The following PDE1C variants were observed in gnomAD, a reference collection of about 807,000 sequenced individuals.
PDE1C encodes dual specificity calcium/calmodulin-dependent 3',5'-cyclic nucleotide phosphodiesterase 1C.
In PDE1C, 62 loss-of-function variants were observed where a neutral mutation model predicts 93.1. The observed-to-expected ratio is 0.67, with a 90% CI of 0.54 to 0.82. The LOEUF is 0.82. Ranked by LOEUF, PDE1C falls within the 40% of genes least tolerant of loss-of-function variation. The pLI, the probability that PDE1C is intolerant of heterozygous loss-of-function variation, is 0.00. For synonymous variants in PDE1C, 325 were observed against 310.1 expected (o/e 1.05, Z -0.50); for missense variants, 742 against 884.6 (o/e 0.84, Z 2.04).
intron 6 of PDE1C, among the ~76,000 whole-genome samples, chr7:31,872,753 G>T (rs1796097953): frequency 1.3e-5 from 2 of 152,166 alleles, no homozygotes; most frequent in African/African-American, 4.8e-5. Context: ...AGGCTGTAGG[G>T]AGTTGAACAC....
Position 31,960,157 on chromosome 7 carries a change from G to A in PDE1C, c.129-79297C>T, listed in dbSNP as rs145811089. ...CCCAAAGTGCTGGGATGACAGGTGT[G>A]AGCCACCGCGCCCGGCCTCAACTTG... On this transcript the variant is annotated intron_variant, in intron 2 of 17. Transcript: ENST00000396191. 4.5e-3 allele frequency among the ~76,000 whole-genome samples: 682 copies of A among 152,202 alleles called. 3 individuals are homozygous for A. Among genetic ancestry groups the A allele is most frequent in the African/African-American group, 0.015 (641 of 41,514 alleles).
intron 5 of PDE1C, among the ~76,000 whole-genome samples, chr7:31,874,947 C>T (rs532956386): frequency 1.3e-5 from 2 of 152,270 alleles, no homozygotes; most frequent in East Asian, 3.9e-4. Flanking sequence ...CAGGTAATAA[C>T]CTCACCAATG....
At chr7:32,315,768 G>A (rs1462457368) in intron 1 of PDE1C, among the ~76,000 whole-genome samples, 2 of 152,178 alleles carry the variant, frequency 1.3e-5, no homozygotes, top group Non-Finnish European at 2.9e-5. Flanking sequence ...GGCCGAGGTG[G>A]GTGGATCACC....
intron 1 of PDE1C, among the ~76,000 whole-genome samples, chr7:32,270,464 A>G (rs1810886083): frequency 6.6e-6 from 1 of 152,208 alleles, no homozygotes; most frequent in Non-Finnish European, 1.5e-5. Flanking sequence ...CAGGAAGTCA[A>G]GCTAATTTCA....
At chr7:31,913,972 A>G (rs1042864910) in intron 2 of PDE1C, among the ~76,000 whole-genome samples, 2 of 152,188 alleles carry the variant, frequency 1.3e-5, no homozygotes, top group Non-Finnish European at 2.9e-5. Flanking sequence ...CAGCAGTTAT[A>G]TTTTTAAACC....
chr7:31,638,791 T>G, the PDE1C span, among the ~76,000 whole-genome samples: 727 of 152,310 alleles, frequency 4.8e-3, 6 homozygotes, highest in African/African-American at 0.017. Flanking sequence ...TTGTTTGTTT[T>G]TTTGAGATGG....
chr7:31,858,852 T>C (rs1794330269), intron 7 of PDE1C, among the ~76,000 whole-genome samples: 1 of 151,972 alleles, frequency 6.6e-6, no homozygotes, highest in African/African-American at 2.4e-5. Context: ...AATGGAGATG[T>C]TATAACCAAA....
chr7:31,803,284 T>G (rs1427607052), intron 16 of PDE1C, among the ~76,000 whole-genome samples: 1 of 151,854 alleles, frequency 6.6e-6, no homozygotes, highest in Non-Finnish European at 1.5e-5. Flanking sequence ...ATCTTCCATG[T>G]GTCTACTTCT....
At chr7:31,854,271 T>C (rs993699707) in intron 7 of PDE1C, among the ~76,000 whole-genome samples, 1 of 152,132 alleles carries the variant, frequency 6.6e-6, no homozygotes, top group African/African-American at 2.4e-5. Flanking sequence ...AGAAGCTATT[T>C]TGGAGGAAAT....
At chr7:31,946,886 C>T (rs951934910) in intron 2 of PDE1C, among the ~76,000 whole-genome samples, 3 of 152,166 alleles carry the variant, frequency 2.0e-5, no homozygotes, top group African/African-American at 7.2e-5. Flanking sequence ...CATGTCCTAT[C>T]ATTTTCTGTT....
intron 2 of PDE1C, among the ~76,000 whole-genome samples, chr7:31,927,110 A>T (rs2128971038): frequency 6.6e-6 from 1 of 152,230 alleles, no homozygotes; most frequent in South Asian, 2.1e-4. Flanking sequence ...ACCTGGGACG[A>T]TTGAGCTTGG....
the PDE1C span, among the ~76,000 whole-genome samples, chr7:31,665,591 G>A: frequency 6.6e-6 from 1 of 152,136 alleles, no homozygotes; most frequent in Non-Finnish European, 1.5e-5. Flanking sequence ...ATCCAACAAG[G>A]AATTTTTAGT....
At chr7:32,045,017 C>T (rs1792330846) in intron 2 of PDE1C, among the ~76,000 whole-genome samples, 1 of 151,890 alleles carries the variant, frequency 6.6e-6, no homozygotes, top group Non-Finnish European at 1.5e-5. Flanking sequence ...CTCTAAATAG[C>T]CTTTCTGGGC....
chr7:32,384,244 A>G (rs565556862), intron 1 of PDE1C, among the ~76,000 whole-genome samples: 3 of 152,368 alleles, frequency 2.0e-5, no homozygotes, highest in Non-Finnish European at 2.9e-5. Flanking sequence ...CAGTCCACAC[A>G]AAGATTCTAG....
rs1210935813 is a variant in PDE1C, at chr7:32,422,477, TC to T, written c.310+5344del. ...CCCAATAGGTAGTTTTTCAACCCTTTCCCCCCCACCTGGCCTCCCCCCTCAG... is the reference window on the plus strand; with the variant it reads ...CCCAATAGGTAGTTTTTCAACCCTTTCCCCCCACCTGGCCTCCCCCCTCAG... On this transcript the variant is annotated intron_variant, in intron 1 of 1. Transcript: ENST00000672256. Among the ~76,000 whole-genome samples the T allele has an allele frequency of 2.7e-4, 40 of 150,064 alleles. No homozygotes were observed. In the East Asian group the frequency reaches 7.4e-3, roughly 28 times the overall value.
At chr7:31,955,982 A>C in intron 2 of PDE1C, among the ~76,000 whole-genome samples, 1 of 152,314 alleles carries the variant, frequency 6.6e-6, no homozygotes, top group South Asian at 2.1e-4. Context: ...CCCTCTCTGA[A>C]GTTCCATGTC....
chr7:31,750,718 T>G (rs991562859), downstream of PDE1C, among the ~76,000 whole-genome samples: 7 of 152,222 alleles, frequency 4.6e-5, no homozygotes, highest in South Asian at 2.1e-4. Context: ...CCAATTGTTT[T>G]TTTTGTTTTG....
At chr7:32,269,214 G>T (rs7801379) in intron 1 of PDE1C, among the ~76,000 whole-genome samples, 1 of 152,148 alleles carries the variant, frequency 6.6e-6, no homozygotes, top group Non-Finnish European at 1.5e-5. Context: ...TGTGACATGA[G>T]CCACCTGAGG....
the PDE1C span, among the ~76,000 whole-genome samples, chr7:31,669,410 G>A: frequency 2.0e-5 from 3 of 152,062 alleles, no homozygotes; most frequent in Non-Finnish European, 4.4e-5. Context: ...ATAATGAAAA[G>A]TTTAAGCTAC....
Sources: gnomAD v4.1 joint callset for allele counts (sites outside exome capture counted in the v4.1 genomes callset) on GRCh38, gnomAD v4.1.1 for gene constraint, MANE v1.5 for transcripts, NCBI Gene and HGNC (gene_info 2026-07-23, HGNC 2026-07-21) for gene names.